Variants in RPS6KC1 observed in about 807,000 individuals in gnomAD.
RPS6KC1 encodes the protein inactive ribosomal protein S6 kinase delta-1.
In RPS6KC1, 54 loss-of-function variants were observed where a neutral mutation model predicts 103.8. The observed-to-expected ratio is 0.52, with a 90% CI of 0.42 to 0.65. RPS6KC1 has a LOEUF of 0.65. Among genes scored for constraint, RPS6KC1 ranks in the 30% least tolerant of loss-of-function variants. The pLI, the probability that RPS6KC1 is intolerant of heterozygous loss-of-function variation, is 0.00. For missense variants in RPS6KC1, 1,151 were observed against 1,253.8 expected (o/e 0.92, Z 1.24); for synonymous variants, 439 against 438.7 (o/e 1.00, Z -0.01).
the RPS6KC1 span, among the ~76,000 whole-genome samples, chr1:213,533,737 T>C: frequency 2.0e-5 from 3 of 152,264 alleles, no homozygotes; most frequent in Non-Finnish European, 4.4e-5. Context: ...TCATGTTGAA[T>C]AATTTACAGT....
At chr1:213,532,731 G>A in the RPS6KC1 span, among the ~76,000 whole-genome samples, 19 of 152,264 alleles carry the variant, frequency 1.2e-4, no homozygotes, top group African/African-American at 4.3e-4. Flanking sequence ...GCTCCTTGCC[G>A]GCCTTCAGAG....
At chr1:213,202,730 A>G (rs984164715) in intron 8 of RPS6KC1, among the ~76,000 whole-genome samples, 4 of 152,242 alleles carry the variant, frequency 2.6e-5, no homozygotes, top group African/African-American at 7.2e-5. Flanking sequence ...GTCTTATTTT[A>G]TCCTTACTAG....
At chr1:213,642,760 G>T in the RPS6KC1 span, among the ~76,000 whole-genome samples, 1 of 151,888 alleles carries the variant, frequency 6.6e-6, no homozygotes, top group Non-Finnish European at 1.5e-5. Context: ...TATTAGAACA[G>T]ACTTTTTAAC....
chr1:213,165,821 TG>T (rs900270875), intron 6 of RPS6KC1, among the ~76,000 whole-genome samples: 1 of 152,132 alleles, frequency 6.6e-6, no homozygotes, highest in African/African-American at 2.4e-5. Flanking sequence ...CCTCCCAAAG[TG>T]TTGGGATTAT....
chr1:213,700,974 C>T, the RPS6KC1 span, among the ~76,000 whole-genome samples: 11 of 151,860 alleles, frequency 7.2e-5, no homozygotes, highest in Non-Finnish European at 1.5e-4. Context: ...TAGCCTTTTC[C>T]AAATATAAAG....
chr1:213,072,349 A>T (rs566581139), intron 2 of RPS6KC1, among the ~76,000 whole-genome samples: 1 of 152,240 alleles, frequency 6.6e-6, no homozygotes, highest in East Asian at 1.9e-4. Flanking sequence ...GTCTGATTTC[A>T]TAGTTGTTTT....
the RPS6KC1 span, among the ~76,000 whole-genome samples, chr1:213,664,193 G>GGGGGC: frequency 6.2e-5 from 5 of 80,332 alleles, no homozygotes; most frequent in East Asian, 3.5e-4. Flanking sequence ...AGAAATGAGC[G>GGGGGC]GGGGGGCGGG....
At chr1:213,092,736 A>G (rs1352642537) in intron 3 of RPS6KC1, among the ~76,000 whole-genome samples, 1 of 150,372 alleles carries the variant, frequency 6.7e-6, no homozygotes, top group Admixed American at 6.6e-5. Context: ...TAAGCTAAAC[A>G]AAACAAACGC....
intron 8 of RPS6KC1, among the ~76,000 whole-genome samples, chr1:213,199,560 G>A (rs1436494025): frequency 6.6e-6 from 1 of 152,132 alleles, no homozygotes; most frequent in Admixed American, 6.5e-5. Flanking sequence ...GGCAATAGCT[G>A]GAAGCATTTC....
At chr1:213,313,223 G>A in the RPS6KC1 span, among the ~76,000 whole-genome samples, 2 of 152,086 alleles carry the variant, frequency 1.3e-5, no homozygotes, top group South Asian at 2.1e-4. Flanking sequence ...GAGATCAGCA[G>A]GTTCTACACG....
At chr1:213,118,021 CAAA>C (rs59318173) in intron 5 of RPS6KC1, among the ~76,000 whole-genome samples, 23 of 34,178 alleles carry the variant, frequency 6.7e-4, no homozygotes, top group East Asian at 2.2e-3. Context: ...GACTTTGTCT[CAAA>C]AAAAAAAAAA....
Position 213,234,087 on chromosome 1 carries a change from A to G in RPS6KC1, c.1225+1832A>G, listed in dbSNP as rs373634151. 1.4e-4 allele frequency among the ~76,000 whole-genome samples: 21 copies of G among 151,218 alleles called. 1 individual carries two copies. In the South Asian group the frequency reaches 4.4e-3, roughly 32 times the overall value. On this transcript the variant is annotated intron_variant, in intron 10 of 14. Coordinates refer to ENST00000366960, the MANE Select transcript of RPS6KC1 (RefSeq NM_012424.6). ...TCCTAGGTTAGAGTGCTATGGTACA[A>G]TCATAGCTCACTGTAACCTTGAACT...
At chr1:213,632,671 G>A in the RPS6KC1 span, among the ~76,000 whole-genome samples, 1 of 152,322 alleles carries the variant, frequency 6.6e-6, no homozygotes, top group African/African-American at 2.4e-5. Flanking sequence ...CGCCAGCAAT[G>A]GAACAAAGCT....
the RPS6KC1 span, among the ~76,000 whole-genome samples, chr1:213,604,623 T>A: frequency 2.0e-5 from 3 of 152,172 alleles, no homozygotes; most frequent in African/African-American, 7.2e-5. Context: ...AAATCCAGTA[T>A]CTCTCTGTTG....
At chr1:213,123,038 T>A (rs1194880050) in intron 5 of RPS6KC1, among the ~76,000 whole-genome samples, 1 of 152,150 alleles carries the variant, frequency 6.6e-6, no homozygotes, top group Non-Finnish European at 1.5e-5. Flanking sequence ...GCCATGGGAA[T>A]CATTATAAAT....
At chr1:213,366,437 A>G in the RPS6KC1 span, among the ~76,000 whole-genome samples, 1 of 152,246 alleles carries the variant, frequency 6.6e-6, no homozygotes, top group Non-Finnish European at 1.5e-5. Flanking sequence ...GCAAAGGTGG[A>G]TCAGAGTATG....
At chr1:213,077,241 T>A (rs2079428385) in intron 2 of RPS6KC1, among the ~76,000 whole-genome samples, 1 of 152,338 alleles carries the variant, frequency 6.6e-6, no homozygotes, top group Admixed American at 6.5e-5. Context: ...TATTTTGTCT[T>A]TATAAATACA....
chr1:213,223,467 T>C (rs562753918), intron 8 of RPS6KC1, among the ~76,000 whole-genome samples: 2 of 152,318 alleles, frequency 1.3e-5, no homozygotes, highest in East Asian at 3.9e-4. Flanking sequence ...TATTTGGTTT[T>C]CCATTCCTGA....
At chr1:213,661,390 G>T in the RPS6KC1 span, among the ~76,000 whole-genome samples, 1 of 152,124 alleles carries the variant, frequency 6.6e-6, no homozygotes, top group Non-Finnish European at 1.5e-5. Flanking sequence ...CGGGCTGGGC[G>T]AGCCTCCTTG....
Sources: gnomAD v4.1 joint callset for allele counts (sites outside exome capture counted in the v4.1 genomes callset) on GRCh38, gnomAD v4.1.1 for gene constraint, MANE v1.5 for transcripts, NCBI Gene and HGNC (gene_info 2026-07-23, HGNC 2026-07-21) for gene names.